Variants in KRT13 observed in about 807,000 individuals in gnomAD.
KRT13 encodes the protein keratin 13.
In KRT13, 27 loss-of-function variants were observed where a neutral mutation model predicts 40.6. That is an observed-to-expected ratio of 0.67 (90% CI 0.49 to 0.92). KRT13 has a LOEUF of 0.92. Ranked by LOEUF, KRT13 falls within the 40% of genes least tolerant of loss-of-function variation. The probability of loss-of-function intolerance (pLI) is 0.00; values close to 1 mark genes in which losing one functional copy is unlikely to be tolerated. For synonymous variants in KRT13, 266 were observed against 240.3 expected (o/e 1.11, Z -0.99); for missense variants, 605 against 611.5 (o/e 0.99, Z 0.11).
At chr17:41,504,130 G>T (rs1054609529) in intron 1 of KRT13, 2 of 270,758 alleles carry the variant, frequency 7.4e-6, no homozygotes, top group South Asian at 4.0e-5. Context: ...CTTCTGTAAA[G>T]TGAGGAGTGG....
In KRT13 at chr17:41,502,712, A is replaced by G. The variant is rs1295984587; in HGVS notation, c.998T>C (p.Ile333Thr). 1.2e-6 allele frequency: 2 copies of G among 1,614,160 alleles called. No homozygotes were observed. Among genetic ancestry groups the G allele is most frequent in the Admixed American group, 3.3e-5 (2 of 60,030 alleles). Residue 333 changes from isoleucine to threonine, a missense_variant, in exon 5 of 8, where the codon ATT (isoleucine) becomes ACT (threonine). By Grantham distance (89) the Ile-to-Thr change is moderately conservative. Coordinates refer to ENST00000246635, the MANE Select transcript of KRT13 (RefSeq NM_153490.3). Reference sequence around the variant, plus strand: ...CATGCTCAGCTGGGACTGCAGCTCAATCTCCAGGCCTTGGAGCGTGCGCCT... The same window carrying G: ...CATGCTCAGCTGGGACTGCAGCTCAGTCTCCAGGCCTTGGAGCGTGCGCCT... ...ELRRTLQGLE[I>T]ELQSQLSMKA...
At position 41,502,456 on chromosome 17, in the gene KRT13, A is replaced by G. The variant is rs935439174; in HGVS notation, c.1162T>C (p.Tyr388His). ...GTCTTGATGTCCAGCAGCATCTTGT[A>G]CTCTTGGTTCTGGCACTCCATCTCA... ...RSEMECQNQE[Y>H]KMLLDIKTRL... Residue 388 changes from tyrosine (Y) to histidine (H), a missense_variant, in exon 6 of 8, where the codon TAC (tyrosine) becomes CAC (histidine). Tyr to His is a moderately conservative substitution (Grantham distance 83, BLOSUM62 2). Transcript: ENST00000246635. 1.2e-6 allele frequency: 2 copies of G among 1,613,740 alleles called. No homozygotes were observed. Among genetic ancestry groups the G allele is most frequent in the Non-Finnish European group, 1.7e-6 (2 of 1,179,970 alleles).
At chr17:41,503,968 C>G in intron 1 of KRT13, 2 of 498,488 alleles carry the variant, frequency 4.0e-6, no homozygotes, top group African/African-American at 1.9e-5. Flanking sequence ...TGCAGCCCAC[C>G]GGCCACAGGT....
At position 41,505,256 on chromosome 17, in the gene KRT13, G is replaced by C. The variant is rs1300151420; in HGVS notation, c.295C>G (p.Leu99Val). ...FVDFGACDGG[L>V]LTGNEKITMQ... ...GTGATCTTCTCATTGCCAGTGAGGA[G>C]GCCGCCATCACAAGCACCAAAGTCA... is the stretch of plus-strand genomic sequence containing the variant. The change falls in exon 1 of 8, where the codon CTC becomes GTC. Residue 99 changes from leucine (L) to valine (V), a missense_variant. Transcript: ENST00000246635. 3 of 1,614,140 alleles carry C rather than the reference G, an allele frequency of 1.9e-6. No homozygotes were observed. The highest frequency in any genetic ancestry group is 2.5e-6 in the Non-Finnish European group (3 of 1,180,028).
rs1283060917 is a variant in KRT13 at position 41,502,527 on chromosome 17, T to C, written c.1091A>G (p.Gln364Arg). The change falls in exon 6 of 8, where the codon CAG (glutamine) becomes CGG (arginine). Residue 364 changes from glutamine (Q) to arginine (R), a missense_variant. Transcript: ENST00000246635. ...GGCCTCGATGCTGCTGATGAGTCCC[T>C]GGATCTGCTGCAGCTGCAGGGCATA... is the stretch of plus-strand genomic sequence containing the variant. Reference protein sequence around the residue: ...CRYALQLQQIQGLISSIEAQL... With the variant: ...CRYALQLQQIRGLISSIEAQL... The C allele has an allele frequency of 6.2e-7, 1 of 1,614,034 alleles. No homozygotes were observed. Among genetic ancestry groups the C allele is most frequent in the East Asian group, 2.2e-5 (1 of 44,882 alleles).
Position 41,501,238 on chromosome 17 carries a change from AG to A in KRT13, c.*17del, listed in dbSNP as rs1904835843. 2 of 1,518,800 alleles carry A rather than the reference AG, an allele frequency of 1.3e-6. No individual in the cohort carries two copies. Among genetic ancestry groups the A allele is most frequent in the East Asian group, 4.9e-5 (2 of 41,118 alleles). 94.1% of individuals were successfully genotyped at this position (1,518,800 alleles called of 1,614,324 possible). A position where few individuals can be genotyped will look rare whatever the true frequency, so the allele number is the denominator to read the frequency against. On this transcript the variant is annotated 3_prime_UTR_variant, in exon 8 of 8. Coordinates refer to ENST00000246635, the MANE Select transcript of KRT13 (RefSeq NM_153490.3). ...TCCTCTGGGTGCTGAAGACAGAGGG[AG>A]GGGACGCCAGGCAGATTTAAGGCCT...
chr17:41,502,822 A>G lies in KRT13; in HGVS notation c.898-10T>C, dbSNP rs748999503. 6.2e-7 allele frequency: 1 copy of G among 1,614,156 alleles called. No individual in the cohort carries two copies. The highest frequency in any genetic ancestry group is 8.5e-7 in the Non-Finnish European group (1 of 1,180,028). Reference sequence around the variant, plus strand: ...TGTTCAGCTCTGCACTCTGAAATGCAAGCAGGAAGAAGGTGGTGGGGAAGC... The same window carrying G: ...TGTTCAGCTCTGCACTCTGAAATGCGAGCAGGAAGAAGGTGGTGGGGAAGC... On this transcript the variant is annotated splice_polypyrimidine_tract_variant and intron_variant, in intron 4 of 7. Transcript: ENST00000246635.
chr17:41,501,468 G>T, intron 7 of KRT13, 106 bp from the exon 8 acceptor site: 1 of 1,091,320 alleles, frequency 9.2e-7, no homozygotes, highest in Non-Finnish European at 1.4e-6. Context: ...CAGGTGGTGC[G>T]TGGATGGAGA....
rs142526332 is a variant in KRT13, at chr17:41,503,019, C to T, written c.815G>A (p.Arg272His). The change falls in exon 4 of 8, where the codon CGC (arginine) becomes CAC (histidine). Residue 272 changes from arginine (R) to histidine (H), a missense_variant. Physicochemically the swap from Arg to His is conservative, Grantham distance 29. Transcript: ENST00000246635. Reference protein sequence around the residue: ...MDATPGIDLTRVLAEMREQYE... With the variant: ...MDATPGIDLTHVLAEMREQYE... ...CTGCTCCCTCATCTCTGCCAGCACGCGGGTCAGGTCAATGCCTGGGGTGGC... is the reference window on the plus strand; with the variant it reads ...CTGCTCCCTCATCTCTGCCAGCACGTGGGTCAGGTCAATGCCTGGGGTGGC... 516 of 1,614,204 alleles carry T rather than the reference C, an allele frequency of 3.2e-4. 7 individuals carry two copies. The South Asian group carries it at 4.6e-3, about 14-fold the overall frequency.
Position 41,503,662 on chromosome 17 carries a change from C to T in KRT13, c.559G>A (p.Ala187Thr). ...ACTCACTTGAGCCTGAAGTCGTCCG[C>T]AGCCAGCCTGGCATTGTCAATCTCC... ...ILEIDNARLAADDFRLKYENE... is the reference protein window; with the variant it reads ...ILEIDNARLATDDFRLKYENE... Residue 187 changes from alanine (A) to threonine (T), a missense_variant, in exon 2 of 8, where the codon GCG (alanine) becomes ACG (threonine). Physicochemically the swap from Ala to Thr is moderately conservative, Grantham distance 58. Transcript: ENST00000246635. The T allele has an allele frequency of 6.2e-7, 1 of 1,613,912 alleles. No homozygotes were observed.
Position 41,501,128 on chromosome 17 carries a change from G to A in KRT13, c.*128C>T, listed in dbSNP as rs987603231. 1.5e-6 allele frequency: 1 copy of A among 686,174 alleles called. No individual in the cohort carries two copies. The highest frequency in any genetic ancestry group is 2.7e-6 in the Non-Finnish European group (1 of 375,730). The allele number at this position is 686,174 out of a possible 1,614,324, so 42.5% of individuals were successfully genotyped here. A position where few individuals can be genotyped will look rare whatever the true frequency, so the allele number is the denominator to read the frequency against. Reference sequence around the variant, plus strand: ...AGGGCCCACCATCAGGAGAGAGTCAGGACAGGGGGTCCTGAGAGCAGAGGG... The same window carrying A: ...AGGGCCCACCATCAGGAGAGAGTCAAGACAGGGGGTCCTGAGAGCAGAGGG... On this transcript the variant is annotated 3_prime_UTR_variant, in exon 8 of 8. Coordinates refer to ENST00000246635, the MANE Select transcript of KRT13 (RefSeq NM_153490.3).
rs1196079982 is a variant in KRT13, at chr17:41,502,490, C to T, written c.1128G>A (p.Glu376=). The T allele has an allele frequency of 1.3e-5, 21 of 1,614,080 alleles. No homozygotes were observed. The highest frequency in any genetic ancestry group is 1.8e-5 in the Non-Finnish European group (21 of 1,180,052). The change falls in exon 6 of 8, where the codon GAG becomes GAA. Residue 376 remains glutamate (E), a synonymous_variant. Transcript: ENST00000246635. ...TCTGGCACTCCATCTCACTGCGGAG[C>T]TCGCTCAGCTGGGCCTCGATGCTGC... The part of the protein sequence containing the change: ...LISSIEAQLS[E]LRSEMECQNQ...
chr17:41,502,386 C>T lies in KRT13; in HGVS notation c.1232G>A (p.Gly411Asp), dbSNP rs773405109. The T allele has an allele frequency of 6.2e-7, 1 of 1,614,204 alleles. No homozygotes were observed. Among genetic ancestry groups the T allele is most frequent in the Non-Finnish European group, 8.5e-7 (1 of 1,180,040 alleles). ...GGAGAGGACCTACTTGGCGTCCTGG[C>T]CCTCGAGCAGGCTGCGGTAGGTGGC... ...EIATYRSLLE[G>D]QDAKMIGFPS... The change falls in exon 6 of 8, where the codon GGC (glycine) becomes GAC (aspartate). Residue 411 changes from glycine to aspartate, a missense_variant. Coordinates refer to ENST00000246635, the MANE Select transcript of KRT13 (RefSeq NM_153490.3).
rs1904892720 is a variant in KRT13, at chr17:41,502,580, C to T, written c.1038G>A (p.Glu346=). 6.2e-7 allele frequency: 1 copy of T among 1,613,568 alleles called. No individual in the cohort carries two copies. Among genetic ancestry groups the T allele is most frequent in the South Asian group, 1.1e-5 (1 of 91,088 alleles). Residue 346 remains glutamate (E), a synonymous_variant, in exon 6 of 8, where the codon GAG becomes GAA. Coordinates refer to ENST00000246635, the MANE Select transcript of KRT13 (RefSeq NM_153490.3). ...QSQLSMKAGL[E]NTVAETECRY... ...GGCACTCCGTCTCTGCCACCGTGTTCTCCAGCCCCGCTTTCTGGTGGAGCG... is the reference window on the plus strand; with the variant it reads ...GGCACTCCGTCTCTGCCACCGTGTTTTCCAGCCCCGCTTTCTGGTGGAGCG...
Position 41,503,096 on chromosome 17 carries a change from C to A in KRT13, c.738G>T (p.Glu246Asp), listed in dbSNP as rs777117907. 16 of 1,614,102 alleles carry A rather than the reference C, an allele frequency of 9.9e-6. No individual in the cohort carries two copies. The highest frequency in any genetic ancestry group is 1.4e-5 in the Non-Finnish European group (16 of 1,180,052). The change falls in exon 4 of 8, where the codon GAG becomes GAT. Residue 246 changes from glutamate to aspartate, a missense_variant and splice_region_variant. Glu to Asp is a conservative substitution (Grantham distance 45). Coordinates refer to ENST00000246635, the MANE Select transcript of KRT13 (RefSeq NM_153490.3). The part of the protein sequence containing the change: ...LAYMKKNHEE[E>D]MKEFSNQVVG... ...CCACCTGGTTGCTAAATTCCTTCATCTCCTGTGGGGATGGGAAAGGAAGAT... is the reference window on the plus strand; with the variant it reads ...CCACCTGGTTGCTAAATTCCTTCATATCCTGTGGGGATGGGAAAGGAAGAT...
At chr17:41,502,129 C>A in intron 6 of KRT13, 2 of 1,436,000 alleles carry the variant, frequency 1.4e-6, no homozygotes, top group East Asian at 2.6e-5. Context: ...TGTATCCAAG[C>A]TCATGTTTTT....
In KRT13 at chr17:41,501,132, A is replaced by C. The variant is rs943750039; in HGVS notation, c.*124T>G. The C allele has an allele frequency of 2.9e-6, 2 of 689,106 alleles. No individual in the cohort carries two copies. Among genetic ancestry groups the C allele is most frequent in the Non-Finnish European group, 2.6e-6 (1 of 377,696 alleles). 42.7% of individuals were successfully genotyped at this position (689,106 alleles called of 1,614,324 possible). On this transcript the variant is annotated 3_prime_UTR_variant, in exon 8 of 8. Transcript: ENST00000246635. ...CCCACCATCAGGAGAGAGTCAGGACAGGGGGTCCTGAGAGCAGAGGGACTG... is the reference window on the plus strand; with the variant it reads ...CCCACCATCAGGAGAGAGTCAGGACCGGGGGTCCTGAGAGCAGAGGGACTG...
At chr17:41,502,626 G>A (rs1417288834) in intron 5 of KRT13, 32 bp from the exon 6 acceptor site, 2 of 1,613,104 alleles carry the variant, frequency 1.2e-6, no homozygotes, top group Non-Finnish European at 1.7e-6. Flanking sequence ...AGTTACAGAG[G>A]GAGCCAGGCC....
rs1476085670 is a variant in KRT13 at position 41,501,027 on chromosome 17, G to A, written c.*229C>T. The A allele has an allele frequency of 2.3e-6, 1 of 441,308 alleles. No homozygotes were observed. The highest frequency in any genetic ancestry group is 2.0e-5 in the African/African-American group (1 of 49,740). The allele number at this position is 441,308 out of a possible 1,614,324, so 27.3% of individuals were successfully genotyped here. On this transcript the variant is annotated 3_prime_UTR_variant, in exon 8 of 8. Transcript: ENST00000246635. ...AACTTTATTGAATAATCTTTTCTTT[G>A]GGGTAGAGAAGTTGAGAAACCAAAG... is the stretch of plus-strand genomic sequence containing the variant.
Sources: gnomAD v4.1 joint callset for allele counts on GRCh38, gnomAD v4.1.1 for gene constraint, MANE v1.5 for transcripts, NCBI Gene and HGNC (gene_info 2026-07-23, HGNC 2026-07-21) for gene names.